VPS35: variants seen among roughly 807,000 people sequenced by gnomAD.
VPS35 encodes VPS35 retromer complex component, also known as vacuolar protein sorting-associated protein 35.
In VPS35, 21 loss-of-function variants were observed where a neutral mutation model predicts 98.1. The observed-to-expected ratio is 0.21, with a 90% confidence interval of 0.15 to 0.31. VPS35 has a LOEUF of 0.31. VPS35 is among the 10% of genes least tolerant of loss of function. The pLI, the probability that VPS35 is intolerant of heterozygous loss-of-function variation, is 1.00. For synonymous variants in VPS35, 268 were observed against 318.2 expected, an observed-to-expected ratio of 0.84 and a Z score of 1.68; for missense variants, 554 against 950.8, an observed-to-expected ratio of 0.58 and a Z score of 5.49.
Position 46,681,512 on chromosome 16 carries a change from G to A in VPS35, c.200-12C>T. 1 of 1,611,514 alleles carries A rather than the reference G, an allele frequency of 6.2e-7. No homozygotes were observed. Among genetic ancestry groups the A allele is most frequent in the Non-Finnish European group, 8.5e-7 (1 of 1,179,234 alleles). ...AGAAATGGCCATATCTTTTAATTAT[G>A]ATTAAGGACTAAAAATAAAAATAAG... On this transcript the variant is annotated splice_polypyrimidine_tract_variant and intron_variant, in intron 3 of 16. Coordinates refer to ENST00000299138, the MANE Select transcript of VPS35 (RefSeq NM_018206.6).
intron 4 of VPS35, 55 bp from the exon 5 acceptor site, chr16:46,680,908 T>G (rs1966224672): frequency 9.6e-6 from 15 of 1,557,080 alleles, no homozygotes; most frequent in Non-Finnish European, 1.1e-5. Flanking sequence ...AATCAAGAAT[T>G]TATTTCCAAA....
intron 12 of VPS35, 79 bp from the exon 13 acceptor site, chr16:46,669,131 TC>T: frequency 2.6e-6 from 4 of 1,556,388 alleles, no homozygotes. Context: ...GCTCTAATCA[TC>T]ATTGCTAACA....
intron 1 of VPS35, chr16:46,688,742 C>G (rs1966365695): frequency 8.3e-7 from 1 of 1,208,630 alleles, no homozygotes; most frequent in African/African-American, 1.5e-5. Context: ...GCGCCACCTC[C>G]GAGTCTCAGG....
Position 46,662,291 on chromosome 16 carries a change from A to G in VPS35, c.2019T>C (p.Cys673=). The G allele has an allele frequency of 6.2e-7, 1 of 1,614,126 alleles. No homozygotes were observed. ...KPDQGRAVST[C]AHLFWSGRNT... is the part of the protein sequence containing the mutation. ...TTCTGCCAGACCAGAAGAGATGTGC[A>G]CAGGTGCTCACAGCTCGGCCCTGAT... Residue 673 remains cysteine (C), a synonymous_variant, in exon 15 of 17, where the codon TGT becomes TGC. Coordinates refer to ENST00000299138, the MANE Select transcript of VPS35 (RefSeq NM_018206.6).
intron 1 of VPS35, among the ~76,000 whole-genome samples, chr16:46,684,335 A>C (rs1227431297): frequency 6.6e-6 from 1 of 152,220 alleles, no homozygotes; most frequent in Non-Finnish European, 1.5e-5. Context: ...CTTAAGACAG[A>C]CTAAGGAACT....
At chr16:46,686,109 A>T (rs550966812) in intron 1 of VPS35, among the ~76,000 whole-genome samples, 1 of 152,250 alleles carries the variant, frequency 6.6e-6, no homozygotes, top group Non-Finnish European at 1.5e-5. Flanking sequence ...TACTCTATAT[A>T]CTTCATTTAA....
Position 46,681,951 on chromosome 16 carries a change from A to G in VPS35, c.199+128T>C, listed in dbSNP as rs1048379182. 39 of 704,938 alleles carry G rather than the reference A, an allele frequency of 5.5e-5. No homozygotes were observed. In the African/African-American group the frequency reaches 6.6e-4, roughly 12 times the overall value. 43.7% of individuals were successfully genotyped at this position (704,938 alleles called of 1,614,324 possible). A position where few individuals can be genotyped will look rare whatever the true frequency, so the allele number is the denominator to read the frequency against. On this transcript the variant is annotated intron_variant, in intron 3 of 16. Transcript: ENST00000299138. The stretch of plus-strand genomic sequence containing the variant: ...ACTTAGCACATCTGCATGGAGAAGG[A>G]GTGCCATGTGACTCAGATAACGAAG...
Position 46,661,829 on chromosome 16 carries a change from T to A in VPS35, c.2100A>T (p.Leu700=), listed in dbSNP as rs764734893. Residue 700 remains leucine, a synonymous_variant, in exon 16 of 17, where the codon CTA becomes CTT. Transcript: ENST00000299138. The surrounding 1 kb of genome is among the most constrained non-coding windows in gnomAD (Gnocchi z 4.3). ...GATTTGCTATTTTTAGAGCTTTTTT[T>A]AGGCACTCCATTACCCTCTTGCCTC... ...LHGGKRVMEC[L]KKALKIANQC... 6 of 1,614,172 alleles carry A rather than the reference T, an allele frequency of 3.7e-6. No homozygotes were observed. The South Asian group carries it at 5.5e-5, about 15-fold the overall frequency.
At chr16:46,671,679 G>A (rs563205724) in intron 12 of VPS35, 26 bp downstream of exon 12, 2 of 1,613,878 alleles carry the variant, frequency 1.2e-6, no homozygotes, top group African/African-American at 1.3e-5. Flanking sequence ...AGCTGATACA[G>A]GGATATACTA....
intron 6 of VPS35, 98 bp from the exon 7 acceptor site, chr16:46,677,496 A>T (rs1303484322): frequency 9.8e-7 from 1 of 1,021,474 alleles, no homozygotes; most frequent in Non-Finnish European, 1.5e-6. Context: ...TGAAAATCGT[A>T]TTTGAGATTT....
At chr16:46,667,966 A>G (rs1966013281) in intron 13 of VPS35, among the ~76,000 whole-genome samples, 1 of 152,186 alleles carries the variant, frequency 6.6e-6, no homozygotes, top group Non-Finnish European at 1.5e-5. Flanking sequence ...TTTTATTGTT[A>G]TATTCACAAA....
At position 46,672,495 on chromosome 16, in the gene VPS35, C is replaced by T. The variant is rs779065298; in HGVS notation, c.1161-23G>A. ...ATACTACAAAAAGAAAAACAGAAGT[C>T]TTAATGAATAAAATTAACTTTCTAT... On this transcript the variant is annotated intron_variant, in intron 10 of 16. Coordinates refer to ENST00000299138, the MANE Select transcript of VPS35 (RefSeq NM_018206.6). The T allele has an allele frequency of 1.2e-5, 19 of 1,595,092 alleles. No homozygotes were observed. The South Asian group carries it at 2.1e-4, about 18-fold the overall frequency.
At chr16:46,688,117 G>A (rs990302207) in intron 1 of VPS35, among the ~76,000 whole-genome samples, 10 of 152,194 alleles carry the variant, frequency 6.6e-5, no homozygotes, top group African/African-American at 2.4e-4. Context: ...TATGAAAATA[G>A]TATTTGTAAA....
intron 13 of VPS35, among the ~76,000 whole-genome samples, chr16:46,666,664 T>C (rs1168004315): frequency 1.3e-5 from 2 of 152,250 alleles, no homozygotes; most frequent in Non-Finnish European, 2.9e-5. Flanking sequence ...AGTCATATAG[T>C]ATTTGCCTTT....
Position 46,671,809 on chromosome 16 carries a change from G to C in VPS35, c.1420C>G (p.Gln474Glu), listed in dbSNP as rs370401767. ...VSTLIQDQPD[Q>E]PVEDPDPEDF... is the part of the protein sequence containing the mutation. ...TCTGGATCAGGGTCTTCTACAGGTT[G>C]ATCTGGCTGATCTTGAATCAACGTG... Residue 474 changes from glutamine to glutamate, a missense_variant, in exon 12 of 17, where the codon CAA (glutamine) becomes GAA (glutamate). Coordinates refer to ENST00000299138, the MANE Select transcript of VPS35 (RefSeq NM_018206.6). 1.0e-4 allele frequency: 169 copies of C among 1,613,606 alleles called. No individual in the cohort carries two copies. Among genetic ancestry groups the C allele is most frequent in the Non-Finnish European group, 1.4e-4 (160 of 1,180,004 alleles).
intron 10 of VPS35, 138 bp downstream of exon 10, chr16:46,674,176 A>G: frequency 1.1e-6 from 1 of 940,060 alleles, no homozygotes; most frequent in South Asian, 1.5e-5. Flanking sequence ...TTCTGCCCCT[A>G]GTAGTGCTAA....
rs547249927 is a variant in VPS35, at chr16:46,658,355, C to A, written c.*2117G>T. The A allele has an allele frequency of 1.2e-4, 19 of 153,860 alleles. No homozygotes were observed. Among genetic ancestry groups the A allele is most frequent in the African/African-American group, 4.1e-4 (17 of 41,562 alleles). 9.5% of individuals were successfully genotyped at this position (153,860 alleles called of 1,614,324 possible). On this transcript the variant is annotated 3_prime_UTR_variant, in exon 17 of 17. Coordinates refer to ENST00000299138, the MANE Select transcript of VPS35 (RefSeq NM_018206.6). ...AGACTAACGTTCTTGAAGCTAGAGG[C>A]TATGATCTTCTTCACCTTTAGATTC...
At chr16:46,663,590 G>A (rs554353691) in intron 13 of VPS35, among the ~76,000 whole-genome samples, 9 of 152,036 alleles carry the variant, frequency 5.9e-5, no homozygotes, top group South Asian at 2.1e-4. Context: ...CAAGTGGGGC[G>A]GGGTTTCACC....
chr16:46,661,822 C>T lies in VPS35; in HGVS notation c.2107G>A (p.Ala703Thr). Residue 703 changes from alanine (A) to threonine (T), a missense_variant, in exon 16 of 17, where the codon GCT (alanine) becomes ACT (threonine). Around this residue, in one of 5 missense-constraint regions of VPS35, gnomAD observed 153 missense variants for 211.0 expected, o/e 0.73. Transcript: ENST00000299138. The surrounding 1 kb of genome is among the most constrained non-coding windows in gnomAD (Gnocchi z 4.3). ...GKRVMECLKKALKIANQCMDP... is the reference protein window; with the variant it reads ...GKRVMECLKKTLKIANQCMDP... ...ATGCACTGATTTGCTATTTTTAGAG[C>T]TTTTTTTAGGCACTCCATTACCCTC... The T allele has an allele frequency of 6.2e-7, 1 of 1,614,002 alleles. No homozygotes were observed. Among genetic ancestry groups the T allele is most frequent in the Non-Finnish European group, 8.5e-7 (1 of 1,179,970 alleles).
Sources: allele counts gnomAD v4.1 joint callset (sites outside exome capture counted in the v4.1 genomes callset), GRCh38; gene constraint gnomAD v4.1.1; regional missense constraint gnomAD v4.1.1; non-coding constraint Gnocchi (gnomAD v3.1); transcripts MANE v1.5; gene names NCBI Gene and HGNC (gene_info 2026-07-23, HGNC 2026-07-21).